LRP1B: variants seen among roughly 807,000 people sequenced by gnomAD.
LRP1B encodes the protein low-density lipoprotein receptor-related protein 1B.
Under a neutral mutation model 556.6 loss-of-function variants are expected in LRP1B, and 217 were observed. That is an observed-to-expected ratio of 0.39 (90% CI 0.35 to 0.44). LRP1B has a LOEUF of 0.44. LRP1B is among the 20% of genes least tolerant of loss of function. The pLI is 1.00. For synonymous variants in LRP1B, 2,047 were observed against 1,865.8 expected (o/e 1.10, Z -2.50); for missense variants, 5,053 against 5,620.8 (o/e 0.90, Z 3.23).
chr2:140,753,240 C>T (rs1054965376), intron 35 of LRP1B, among the ~76,000 whole-genome samples: 1 of 152,104 alleles, frequency 6.6e-6, no homozygotes, highest in Non-Finnish European at 1.5e-5. Flanking sequence ...GCTGAATTTG[C>T]TATAATTTCA....
rs1003431543 is a variant in LRP1B, at chr2:140,338,819, G to T, written c.11893-2981C>A. The stretch of plus-strand genomic sequence containing the variant: ...TAAGCTACTTGCCTTAAAAAATCAT[G>T]AAGCAAAACAAACAAGCATACCAGA... On this transcript the variant is annotated intron_variant, in intron 77 of 90. Transcript: ENST00000389484. Among the ~76,000 whole-genome samples the T allele has an allele frequency of 6.0e-5, 9 of 151,152 alleles. 2 individuals are homozygous for T. Among genetic ancestry groups the T allele is most frequent in the Admixed American group, 4.6e-4 (7 of 15,104 alleles).
At chr2:141,435,253 T>G (rs1319473854) in intron 3 of LRP1B, among the ~76,000 whole-genome samples, 1 of 152,190 alleles carries the variant, frequency 6.6e-6, no homozygotes, top group Admixed American at 6.5e-5. Context: ...GCCCACTCCG[T>G]GTTGATGGAT....
intron 1 of LRP1B, among the ~76,000 whole-genome samples, chr2:141,991,321 A>AG (rs1702337544): frequency 4.6e-5 from 7 of 152,012 alleles, no homozygotes; most frequent in African/African-American, 1.7e-4. Context: ...TATGTCATTC[A>AG]CACTTATGTC....
At chr2:140,272,715 T>C (rs936213184) in intron 85 of LRP1B, among the ~76,000 whole-genome samples, 2 of 151,982 alleles carry the variant, frequency 1.3e-5, no homozygotes, top group Admixed American at 1.3e-4. Flanking sequence ...AAAAGTATCA[T>C]AGAAATAAAA....
At chr2:141,909,108 G>A (rs1039304274) in intron 1 of LRP1B, among the ~76,000 whole-genome samples, 1 of 152,012 alleles carries the variant, frequency 6.6e-6, no homozygotes, top group African/African-American at 2.4e-5. Context: ...GTTTAGCTTA[G>A]TGCAGAGACC....
intron 3 of LRP1B, among the ~76,000 whole-genome samples, chr2:141,425,150 A>G (rs1326499539): frequency 6.6e-6 from 1 of 151,214 alleles, no homozygotes; most frequent in Non-Finnish European, 1.5e-5. Flanking sequence ...GTTCCCATCT[A>G]TGAGTGAGAA....
chr2:141,945,525 A>G (rs887730077), intron 1 of LRP1B, among the ~76,000 whole-genome samples: 4 of 143,024 alleles, frequency 2.8e-5, no homozygotes, highest in African/African-American at 1.1e-4. Context: ...TATATTGTAT[A>G]TGTATGTATA....
intron 2 of LRP1B, 71 bp downstream of exon 2, chr2:141,810,208 C>T (rs2105706784): frequency 6.9e-7 from 1 of 1,449,240 alleles, no homozygotes; most frequent in Non-Finnish European, 9.6e-7. Context: ...CAGCAGTCAT[C>T]TGTGAAAACA....
intron 21 of LRP1B, among the ~76,000 whole-genome samples, chr2:140,914,717 CAAGGGA>C (rs1044576213): frequency 2.0e-5 from 3 of 151,740 alleles, no homozygotes; most frequent in African/African-American, 7.3e-5. Context: ...GGAAAATGGG[CAAGGGA>C]AAGTGAAATA....
chr2:140,414,819 C>A (rs770761668), intron 66 of LRP1B, among the ~76,000 whole-genome samples: 2 of 152,098 alleles, frequency 1.3e-5, no homozygotes, highest in African/African-American at 4.8e-5. Flanking sequence ...AGAATAACAG[C>A]GATCTTTAGG....
chr2:142,115,548 TATATATTATATATGTA>T lies in LRP1B; in HGVS notation c.82+15084_82+15099del, dbSNP rs1372029986. ...TAATATATATATTACATATGTAATA[TATATATTATATATGTA>T]ATATATATTATATATGTAATATATA... is the stretch of plus-strand genomic sequence containing the variant. On this transcript the variant is annotated intron_variant, in intron 1 of 90. Coordinates refer to ENST00000389484, the MANE Select transcript of LRP1B (RefSeq NM_018557.3). 1.4e-3 allele frequency among the ~76,000 whole-genome samples: 58 copies of T among 40,032 alleles called. 6 individuals are homozygous for T. The highest frequency in any genetic ancestry group is 4.5e-3 in the South Asian group (9 of 2,018). The allele number at this position is 40,032 out of a possible 152,430, so 26.3% of individuals were successfully genotyped here. A position where few individuals can be genotyped will look rare whatever the true frequency, so the allele number is the denominator to read the frequency against.
rs532415608 is a variant in LRP1B at position 141,076,882 on chromosome 2, GTTAA to G, written c.1014-14613_1014-14610del. On this transcript the variant is annotated intron_variant, in intron 7 of 90. Transcript: ENST00000389484. ...ACTGAGATGAGTAGCTCTGCATATT[GTTAA>G]TTGATTGATAGGTGGATGCAATGTC... Among the ~76,000 whole-genome samples, 244 of 152,214 alleles carry G rather than the reference GTTAA, an allele frequency of 1.6e-3. 1 individual carries two copies. Among genetic ancestry groups the G allele is most frequent in the South Asian group, 2.5e-3 (12 of 4,818 alleles).
At chr2:141,409,621 G>C (rs1314430699) in intron 3 of LRP1B, among the ~76,000 whole-genome samples, 1 of 151,936 alleles carries the variant, frequency 6.6e-6, no homozygotes, top group Non-Finnish European at 1.5e-5. Flanking sequence ...TGTATCTATG[G>C]ATACAGTAGT....
intron 4 of LRP1B, among the ~76,000 whole-genome samples, chr2:141,252,298 T>C (rs1684293569): frequency 6.6e-6 from 1 of 151,720 alleles, no homozygotes; most frequent in African/African-American, 2.4e-5. Context: ...AGTTGACTTC[T>C]GCGAATATCC....
intron 24 of LRP1B, among the ~76,000 whole-genome samples, chr2:140,884,863 C>T (rs987257248): frequency 3.3e-5 from 5 of 152,100 alleles, no homozygotes; most frequent in Non-Finnish European, 5.9e-5. Flanking sequence ...CAGGTGCACA[C>T]AACCACACCC....
intron 2 of LRP1B, among the ~76,000 whole-genome samples, chr2:141,720,044 A>G: frequency 6.6e-6 from 1 of 152,140 alleles, no homozygotes; most frequent in South Asian, 2.1e-4. Context: ...AAGCATAAAG[A>G]GAGAGATCAA....
intron 2 of LRP1B, among the ~76,000 whole-genome samples, chr2:141,637,114 C>A (rs1052628246): frequency 6.6e-6 from 1 of 151,912 alleles, no homozygotes; most frequent in African/African-American, 2.4e-5. Context: ...TGACAGAAAA[C>A]GCACAGAGTT....
intron 1 of LRP1B, among the ~76,000 whole-genome samples, chr2:142,078,661 A>G (rs1705599576): frequency 3.9e-5 from 6 of 152,192 alleles, no homozygotes; most frequent in Admixed American, 3.9e-4. Flanking sequence ...CAAATAGTAG[A>G]GTCTAAGCTC....
intron 27 of LRP1B, among the ~76,000 whole-genome samples, chr2:140,863,176 TACACAC>T (rs567063418): frequency 6.6e-6 from 1 of 152,022 alleles, no homozygotes; most frequent in African/African-American, 2.4e-5. Context: ...ATATATGTGT[TACACAC>T]ACACACATAT....
Sources: gnomAD v4.1 joint callset for allele counts (sites outside exome capture counted in the v4.1 genomes callset) on GRCh38, gnomAD v4.1.1 for gene constraint, MANE v1.5 for transcripts, NCBI Gene and HGNC (gene_info 2026-07-23, HGNC 2026-07-21) for gene names.